The following KY variants were observed in gnomAD, a reference collection of about 807,000 sequenced individuals.
KY encodes kyphoscoliosis peptidase.
A neutral mutation model predicts 76.1 loss-of-function variants in KY; 43 were observed. The observed-to-expected ratio is 0.57, with a 90% CI of 0.44 to 0.73. The LOEUF (loss-of-function observed/expected upper bound fraction) is 0.73. KY is among the 30% of genes least tolerant of loss of function. The pLI is 0.00. For synonymous variants in KY, 277 were observed against 326.2 expected, an observed-to-expected ratio of 0.85 and a Z score of 1.63; for missense variants, 722 against 828.9, an observed-to-expected ratio of 0.87 and a Z score of 1.58.
intron 2 of KY, among the ~76,000 whole-genome samples, chr3:134,646,924 C>T (rs961712903): frequency 1.3e-5 from 2 of 152,068 alleles, no homozygotes; most frequent in Non-Finnish European, 2.9e-5. Context: ...AGATCCTGGG[C>T]CTGGGGTGGC....
chr3:134,643,858 G>C, intron 2 of KY, among the ~76,000 whole-genome samples: 1 of 139,748 alleles, frequency 7.2e-6, no homozygotes, highest in Non-Finnish European at 1.5e-5. Flanking sequence ...ACGGAGTCTC[G>C]CTCTGTCACC....
rs777769099 is a variant in KY at position 134,643,325 on chromosome 3, T to C, written c.253A>G (p.Asn85Asp). Residue 85 changes from asparagine to aspartate, a missense_variant, in exon 3 of 11, where the codon AAC becomes GAC. This residue lies in a region of KY where 170 missense variants were observed against 148.1 expected (regional missense o/e 1.15). Coordinates refer to ENST00000423778, the MANE Select transcript of KY (RefSeq NM_178554.6). ...GCGGCGAATCACTTACCTTGGCTGTTGTAGGAAGTGATGACCTGGGGCTGC... is the reference window on the plus strand; with the variant it reads ...GCGGCGAATCACTTACCTTGGCTGTCGTAGGAAGTGATGACCTGGGGCTGC... ...PQQPQVITSY[N>D]SQGTQLTVEV... The C allele has an allele frequency of 4.3e-6, 7 of 1,613,746 alleles. No homozygotes were observed.
At chr3:134,639,069 A>ATT (rs1965373860) in intron 3 of KY, among the ~76,000 whole-genome samples, 4 of 97,588 alleles carry the variant, frequency 4.1e-5, no homozygotes, top group African/African-American at 8.3e-5. Context: ...TCTACTTTGG[A>ATT]GTTTTTTTTT....
At chr3:134,627,864 A>G in intron 4 of KY, 46 bp from the exon 5 acceptor site, 1 of 1,483,810 alleles carries the variant, frequency 6.7e-7, no homozygotes, top group South Asian at 1.1e-5. Context: ...CAGAAGAAAC[A>G]GAAATGCAAG....
Position 134,610,068 on chromosome 3 carries a change from T to A in KY, c.899+127A>T. ...AGCCCACTTCAGAGCCGAGGAGGAG[T>A]GGGCATGGGGCCTCCTGGCTCTCCT... is the stretch of plus-strand genomic sequence containing the variant. On this transcript the variant is annotated intron_variant, in intron 9 of 10. Coordinates refer to ENST00000423778, the MANE Select transcript of KY (RefSeq NM_178554.6). The A allele has an allele frequency of 5.1e-6, 5 of 980,494 alleles. No individual in the cohort carries two copies. In the South Asian group the frequency reaches 6.4e-5, roughly 13 times the overall value. 60.7% of individuals were successfully genotyped at this position (980,494 alleles called of 1,614,324 possible). A position where few individuals can be genotyped will look rare whatever the true frequency, so the allele number is the denominator to read the frequency against.
intron 2 of KY, 66 bp downstream of exon 2, chr3:134,647,368 AC>A: frequency 7.9e-7 from 1 of 1,273,868 alleles, no homozygotes; most frequent in Non-Finnish European, 1.1e-6. Flanking sequence ...AATGAGTGAA[AC>A]CCAATTCTTC....
chr3:134,619,561 C>T (rs539321986), intron 7 of KY, among the ~76,000 whole-genome samples: 16 of 152,350 alleles, frequency 1.1e-4, no homozygotes, highest in African/African-American at 3.6e-4. Context: ...TGCTAATCCC[C>T]ACCACACAGC....
chr3:134,642,186 C>T (rs551129891), intron 3 of KY, among the ~76,000 whole-genome samples: 3 of 152,302 alleles, frequency 2.0e-5, no homozygotes, highest in South Asian at 2.1e-4. Context: ...TACCTGCCAG[C>T]GCCTTTCTAT....
intron 10 of KY, chr3:134,607,297 C>G: frequency 1.0e-6 from 1 of 985,496 alleles, no homozygotes; most frequent in Non-Finnish European, 1.2e-6. Context: ...AGCAACTTGG[C>G]AAAGGAAGTC....
intron 7 of KY, among the ~76,000 whole-genome samples, chr3:134,619,614 C>T (rs1962229589): frequency 6.6e-6 from 1 of 152,212 alleles, no homozygotes; most frequent in South Asian, 2.1e-4. Context: ...CGTTTTCCTG[C>T]AGCCCGAAGG....
At position 134,627,825 on chromosome 3, in the gene KY, T is replaced by C; in HGVS notation, c.338-7A>G. 1.2e-6 allele frequency: 2 copies of C among 1,610,330 alleles called. No individual in the cohort carries two copies. The highest frequency in any genetic ancestry group is 1.7e-6 in the Non-Finnish European group (2 of 1,176,566). ...TTTTTATCACCTTGTAAACCTACAA[T>C]ATTCCAAAGATCAGAAGTATAGATA... On this transcript the variant is annotated splice_region_variant and splice_polypyrimidine_tract_variant and intron_variant, in intron 4 of 10. Coordinates refer to ENST00000423778, the MANE Select transcript of KY (RefSeq NM_178554.6).
intron 8 of KY, among the ~76,000 whole-genome samples, chr3:134,610,970 G>A (rs1010190488): frequency 1.3e-5 from 2 of 152,200 alleles, no homozygotes; most frequent in Non-Finnish European, 2.9e-5. Flanking sequence ...GGGGAACCCC[G>A]GGGCAGGCGG....
chr3:134,630,363 A>T (rs4245908), intron 3 of KY, among the ~76,000 whole-genome samples: 92,830 of 152,086 alleles, frequency 0.61, 28,957 homozygotes, highest in East Asian at 0.84. Context: ...CTTCTACCAG[A>T]GAAGTTATAA....
chr3:134,614,362 A>G (rs559128820), intron 8 of KY, among the ~76,000 whole-genome samples: 1 of 152,188 alleles, frequency 6.6e-6, no homozygotes. Flanking sequence ...TTGCCTCCAT[A>G]GCTCATGGCT....
chr3:134,616,460 A>T (rs1021526004), intron 8 of KY, among the ~76,000 whole-genome samples: 8 of 152,218 alleles, frequency 5.3e-5, no homozygotes, highest in Non-Finnish European at 8.8e-5. Context: ...TAATTTACCA[A>T]ACTTTTGGCA....
In KY at chr3:134,619,172, G is replaced by T; in HGVS notation, c.686C>A (p.Ala229Asp). 6.2e-7 allele frequency: 1 copy of T among 1,613,908 alleles called. No homozygotes were observed. Among genetic ancestry groups the T allele is most frequent in the African/African-American group, 1.3e-5 (1 of 75,038 alleles). ...RTQKTNCDGYAGLFERMCRLA... is the reference protein window; with the variant it reads ...RTQKTNCDGYDGLFERMCRLA... ...CCTGCACATTCTCTCGAAGAGGCCA[G>T]CATAGCCATCACAGTTGGTCTTCTG... Residue 229 changes from alanine (A) to aspartate (D), a missense_variant, in exon 8 of 11, where the codon GCT becomes GAT. Ala to Asp is a moderately radical substitution (Grantham distance 126). This residue lies in a region of KY where 552 missense variants were observed against 680.9 expected (regional missense o/e 0.81). Coordinates refer to ENST00000423778, the MANE Select transcript of KY (RefSeq NM_178554.6).
At chr3:134,643,429 C>A in intron 2 of KY, 51 bp from the exon 3 acceptor site, 1 of 1,524,020 alleles carries the variant, frequency 6.6e-7, no homozygotes, top group Non-Finnish European at 9.1e-7. Flanking sequence ...GAATTTTCCC[C>A]AGGCAGAGCA....
chr3:134,606,836 C>A (rs1193428826), intron 10 of KY, among the ~76,000 whole-genome samples: 1 of 151,746 alleles, frequency 6.6e-6, no homozygotes, highest in African/African-American at 2.4e-5. Context: ...CTCCCCTCTC[C>A]CCTCCACGGC....
At chr3:134,604,769 T>A (rs1285013813) in intron 10 of KY, among the ~76,000 whole-genome samples, 1 of 152,182 alleles carries the variant, frequency 6.6e-6, no homozygotes, top group African/African-American at 2.4e-5. Context: ...CCAAGCTGTA[T>A]GTGTGCATCC....
Sources: allele counts gnomAD v4.1 joint callset (sites outside exome capture counted in the v4.1 genomes callset), GRCh38; gene constraint gnomAD v4.1.1; regional missense constraint gnomAD v4.1.1; transcripts MANE v1.5; gene names NCBI Gene and HGNC (gene_info 2026-07-23, HGNC 2026-07-21).